The following NIPAL3 variants were observed in gnomAD, a reference collection of about 807,000 sequenced individuals.
NIPAL3 encodes NIPA-like protein 3.
A neutral mutation model predicts 47.2 loss-of-function variants in NIPAL3; 41 were observed. That is an observed-to-expected ratio of 0.87 (90% confidence interval 0.68 to 1.13). The LOEUF (loss-of-function observed/expected upper bound fraction) is 1.13, where lower values mean the gene tolerates loss of function less well. NIPAL3 is among the 50% of genes most tolerant of loss of function. The probability of loss-of-function intolerance (pLI) is 0.00; values close to 1 mark genes in which losing one functional copy is unlikely to be tolerated. For synonymous variants in NIPAL3, 194 were observed against 209.6 expected, an observed-to-expected ratio of 0.93 and a Z score of 0.64; for missense variants, 449 against 530.1, an observed-to-expected ratio of 0.85 and a Z score of 1.50.
chr1:24,447,182 T>TGGGGCC (rs1053595952), intron 5 of NIPAL3, among the ~76,000 whole-genome samples: 2 of 152,156 alleles, frequency 1.3e-5, no homozygotes, highest in African/African-American at 2.4e-5. Context: ...CGCTCTGGGC[T>TGGGGCC]GGGGCCGGGG....
intron 11 of NIPAL3, among the ~76,000 whole-genome samples, chr1:24,468,572 T>C (rs1646794480): frequency 6.6e-6 from 1 of 152,188 alleles, no homozygotes; most frequent in South Asian, 2.1e-4. Context: ...CAGGTGCCCA[T>C]GACACAAAAA....
At chr1:24,452,055 G>T (rs766542855) in intron 6 of NIPAL3, among the ~76,000 whole-genome samples, 3 of 152,044 alleles carry the variant, frequency 2.0e-5, no homozygotes, top group East Asian at 3.8e-4. Context: ...ATGTTTCTGG[G>T]TTTTTTTTAT....
chr1:24,434,630 T>C (rs1161994009), intron 2 of NIPAL3, among the ~76,000 whole-genome samples: 2 of 152,068 alleles, frequency 1.3e-5, no homozygotes. Context: ...AAAAGCAAAA[T>C]ACAAATTCTT....
chr1:24,443,282 C>CT (rs200849165), intron 4 of NIPAL3, among the ~76,000 whole-genome samples: 2 of 152,142 alleles, frequency 1.3e-5, no homozygotes, highest in African/African-American at 2.4e-5. Flanking sequence ...TGAACAATAG[C>CT]TTTTTTTGTG....
chr1:24,460,642 T>G, intron 10 of NIPAL3, 98 bp downstream of exon 10: 1 of 1,003,750 alleles, frequency 1.0e-6, no homozygotes, highest in Non-Finnish European at 1.4e-6. Context: ...GCCCCATCCT[T>G]TAGAGTCAGA....
At chr1:24,440,299 T>C (rs1223211465) in intron 3 of NIPAL3, 59 bp downstream of exon 3, 1 of 1,381,644 alleles carries the variant, frequency 7.2e-7, no homozygotes, top group East Asian at 2.6e-5. Context: ...AGTCAGGGTG[T>C]CTTATCCAGG....
chr1:24,456,915 A>G (rs1378284583), intron 8 of NIPAL3, among the ~76,000 whole-genome samples: 6 of 151,982 alleles, frequency 3.9e-5, no homozygotes, highest in African/African-American at 1.4e-4. Flanking sequence ...GGTGTATGCC[A>G]CCACACCCGG....
At position 24,447,782 on chromosome 1, in the gene NIPAL3, G is replaced by A. The variant is rs531589019; in HGVS notation, c.395-1699G>A. Among the ~76,000 whole-genome samples the A allele has an allele frequency of 7.9e-5, 12 of 152,360 alleles. No individual in the cohort carries two copies. The East Asian group carries it at 2.3e-3, about 29-fold the overall frequency. ...CAGTGCCCTGTGTGACTTGGAAAAA[G>A]AAGGCCCCTCTGGGCATCTGTAGTT... is the stretch of plus-strand genomic sequence containing the variant. On this transcript the variant is annotated intron_variant, in intron 5 of 11. Coordinates refer to ENST00000374399, the MANE Select transcript of NIPAL3 (RefSeq NM_020448.5).
In NIPAL3 at chr1:24,449,349, A is replaced by G; in HGVS notation, c.395-132A>G. ...AATCATTTATTTTTTAAAGTAAAGA[A>G]AAACCAAAAATACAAACAATACCAG... On this transcript the variant is annotated intron_variant, in intron 5 of 11. Coordinates refer to ENST00000374399, the MANE Select transcript of NIPAL3 (RefSeq NM_020448.5). The surrounding 1 kb of genome is among the most constrained non-coding windows in gnomAD (Gnocchi z 4.5). 5.4e-6 allele frequency: 5 copies of G among 934,498 alleles called. No individual in the cohort carries two copies. The highest frequency in any genetic ancestry group is 7.5e-6 in the Non-Finnish European group (5 of 666,536). 57.9% of individuals were successfully genotyped at this position (934,498 alleles called of 1,614,324 possible). A position where few individuals can be genotyped will look rare whatever the true frequency, so the allele number is the denominator to read the frequency against.
chr1:24,446,045 G>T (rs895757849), intron 5 of NIPAL3, among the ~76,000 whole-genome samples: 1 of 140,424 alleles, frequency 7.1e-6, no homozygotes, highest in Non-Finnish European at 1.6e-5. Context: ...GATAGATGGG[G>T]CTTCTGCTCA....
rs1380230241 is a variant in NIPAL3 at position 24,416,377 on chromosome 1, G to T, written c.-258+473G>T. Reference sequence around the variant, plus strand: ...CCAAAGCCGAGGAACGGGAAGCTTGGCAGGGAACTGGCGCTCACCTCCAGA... The same window carrying T: ...CCAAAGCCGAGGAACGGGAAGCTTGTCAGGGAACTGGCGCTCACCTCCAGA... On this transcript the variant is annotated intron_variant, in intron 1 of 11. Coordinates refer to ENST00000374399, the MANE Select transcript of NIPAL3 (RefSeq NM_020448.5). This position sits in a 1 kb window ranked among gnomAD's most constrained non-coding sequence, Gnocchi z 4.8. The T allele has an allele frequency of 1.0e-6, 1 of 973,164 alleles. No homozygotes were observed. Among genetic ancestry groups the T allele is most frequent in the Non-Finnish European group, 1.2e-6 (1 of 818,780 alleles). The allele number at this position is 973,164 out of a possible 1,614,324, so 60.3% of individuals were successfully genotyped here. A position where few individuals can be genotyped will look rare whatever the true frequency, so the allele number is the denominator to read the frequency against.
chr1:24,454,559 T>C lies in NIPAL3; in HGVS notation c.637+1055T>C. The C allele has an allele frequency of 1.0e-6, 1 of 986,750 alleles. No individual in the cohort carries two copies. The highest frequency in any genetic ancestry group is 1.2e-6 in the Non-Finnish European group (1 of 830,256). 61.1% of individuals were successfully genotyped at this position (986,750 alleles called of 1,614,324 possible). On this transcript the variant is annotated intron_variant, in intron 7 of 11. Transcript: ENST00000374399. This position sits in a 1 kb window ranked among gnomAD's most constrained non-coding sequence, Gnocchi z 4.1. The stretch of plus-strand genomic sequence containing the variant: ...GGTTTCCTTAATTTTTTAACAGCTC[T>C]GTTGAGATATAATTTACATACCATA...
At position 24,469,256 on chromosome 1, in the gene NIPAL3, G is replaced by A. The variant is rs1646827313; in HGVS notation, c.*71G>A. ...GGTTCAACCCTGAATCCTAAAACTTGCCTTTCAAGTCTCATTTTGTTTCTA... is the reference window on the plus strand; with the variant it reads ...GGTTCAACCCTGAATCCTAAAACTTACCTTTCAAGTCTCATTTTGTTTCTA... On this transcript the variant is annotated 3_prime_UTR_variant, in exon 12 of 12. Coordinates refer to ENST00000374399, the MANE Select transcript of NIPAL3 (RefSeq NM_020448.5). 1.5e-6 allele frequency: 2 copies of A among 1,316,200 alleles called. No individual in the cohort carries two copies. Among genetic ancestry groups the A allele is most frequent in the Admixed American group, 4.7e-5 (2 of 42,350 alleles). 81.5% of individuals were successfully genotyped at this position (1,316,200 alleles called of 1,614,324 possible).
intron 9 of NIPAL3, among the ~76,000 whole-genome samples, chr1:24,459,291 A>T (rs569412048): frequency 3.3e-5 from 5 of 152,282 alleles, no homozygotes; most frequent in African/African-American, 1.2e-4. Flanking sequence ...GTGTACTTTA[A>T]CAAGTTTTGC....
At chr1:24,434,893 C>T (rs368756755) in intron 2 of NIPAL3, among the ~76,000 whole-genome samples, 1 of 152,100 alleles carries the variant, frequency 6.6e-6, no homozygotes, top group African/African-American at 2.4e-5. Flanking sequence ...GGAACTACCT[C>T]GAGACAAACT....
chr1:24,432,656 C>T (rs1644928331), intron 2 of NIPAL3, among the ~76,000 whole-genome samples: 1 of 152,220 alleles, frequency 6.6e-6, no homozygotes, highest in African/African-American at 2.4e-5. Flanking sequence ...CTAGCTATCT[C>T]TTATCCTCTG....
intron 2 of NIPAL3, among the ~76,000 whole-genome samples, chr1:24,438,090 G>A (rs1203784232): frequency 1.3e-5 from 2 of 152,106 alleles, no homozygotes; most frequent in African/African-American, 4.8e-5. Context: ...TTAACTACAT[G>A]GTGCTTTTCT....
rs761921264 is a variant in NIPAL3 at position 24,449,658 on chromosome 1, A to G, written c.540+32A>G. The G allele has an allele frequency of 5.0e-6, 8 of 1,600,902 alleles. No homozygotes were observed. The East Asian group carries it at 1.8e-4, about 36-fold the overall frequency. ...GAAGCCTCCAGTCGTTCCCCCTGAG[A>G]TGGCAGGAGGGAGATCAAGTCCTAG... On this transcript the variant is annotated intron_variant, in intron 6 of 11. Transcript: ENST00000374399. The surrounding 1 kb of genome is among the most constrained non-coding windows in gnomAD (Gnocchi z 4.5).
chr1:24,447,371 G>A (rs1360108656), intron 5 of NIPAL3, among the ~76,000 whole-genome samples: 1 of 152,146 alleles, frequency 6.6e-6, no homozygotes, highest in Non-Finnish European at 1.5e-5. Context: ...GGGACTATGG[G>A]TACTCACTAT....
Sources: allele counts gnomAD v4.1 joint callset (sites outside exome capture counted in the v4.1 genomes callset), GRCh38; gene constraint gnomAD v4.1.1; non-coding constraint Gnocchi (gnomAD v3.1); transcripts MANE v1.5; gene names NCBI Gene and HGNC (gene_info 2026-07-23, HGNC 2026-07-21).